The following SHISA9 variants were observed in gnomAD, a reference collection of about 807,000 sequenced individuals.
SHISA9 encodes protein shisa-9.
Under a neutral mutation model 38.0 loss-of-function variants are expected in SHISA9, and 13 were observed. The observed-to-expected ratio is 0.34, with a 90% CI of 0.22 to 0.54. SHISA9 has a LOEUF of 0.54. Ranked by LOEUF, SHISA9 falls within the 20% of genes least tolerant of loss-of-function variation. SHISA9 has a pLI of 0.91. For synonymous variants in SHISA9, 275 were observed against 242.0 expected, an observed-to-expected ratio of 1.14 and a Z score of -1.27; for missense variants, 538 against 575.8, an observed-to-expected ratio of 0.93 and a Z score of 0.67.
chr16:13,352,240 G>T, the SHISA9 span, among the ~76,000 whole-genome samples: 1 of 152,344 alleles, frequency 6.6e-6, no homozygotes, highest in East Asian at 1.9e-4. Context: ...TGCATGGTCT[G>T]ATTTCTTTGA....
the SHISA9 span, among the ~76,000 whole-genome samples, chr16:13,310,238 C>T: frequency 6.6e-6 from 1 of 152,146 alleles, no homozygotes; most frequent in African/African-American, 2.4e-5. Flanking sequence ...TTAAGCTTTT[C>T]CATTCAACTC....
intron 2 of SHISA9, among the ~76,000 whole-genome samples, chr16:13,180,440 G>A (rs1031887866): frequency 2.6e-5 from 4 of 152,268 alleles, no homozygotes; most frequent in African/African-American, 4.8e-5. Flanking sequence ...GGCTCACACC[G>A]CAATCCCAGC....
At chr16:13,168,794 C>A (rs743657) in intron 2 of SHISA9, among the ~76,000 whole-genome samples, 1 of 152,076 alleles carries the variant, frequency 6.6e-6, no homozygotes, top group Non-Finnish European at 1.5e-5. Context: ...CTTGCACCAT[C>A]TGCCAACTGT....
At chr16:13,078,025 A>G (rs1324687930) in intron 2 of SHISA9, among the ~76,000 whole-genome samples, 2 of 152,242 alleles carry the variant, frequency 1.3e-5, no homozygotes, top group African/African-American at 4.8e-5. Flanking sequence ...GGCTTTATTG[A>G]CTAAAACCAC....
chr16:13,433,309 T>A, the SHISA9 span, among the ~76,000 whole-genome samples: 20 of 152,228 alleles, frequency 1.3e-4, no homozygotes, highest in African/African-American at 4.8e-4. Context: ...TCTGTCTGCA[T>A]CTCAGTTGCT....
In SHISA9 at chr16:13,235,630, C is replaced by A. The variant is rs1476048429; in HGVS notation, c.*221C>A. 5.4e-6 allele frequency: 3 copies of A among 558,504 alleles called. No individual in the cohort carries two copies. The African/African-American group carries it at 5.7e-5, about 11-fold the overall frequency. The allele number at this position is 558,504 out of a possible 1,614,324, so 34.6% of individuals were successfully genotyped here. ...TGAGAAAGACCGAAGCGTGGACATTCAGCAATACAGCAAAGGGGAAAATGA... is the reference window on the plus strand; with the variant it reads ...TGAGAAAGACCGAAGCGTGGACATTAAGCAATACAGCAAAGGGGAAAATGA... On this transcript the variant is annotated 3_prime_UTR_variant, in exon 5 of 5. Coordinates refer to ENST00000558583, the MANE Select transcript of SHISA9 (RefSeq NM_001145204.3).
chr16:13,278,224 A>C, the SHISA9 span, among the ~76,000 whole-genome samples: 2 of 152,128 alleles, frequency 1.3e-5, no homozygotes, highest in Admixed American at 6.5e-5. Context: ...ACATTTATTG[A>C]CTTGCGTATG....
intron 2 of SHISA9, among the ~76,000 whole-genome samples, chr16:13,087,164 T>G (rs1475463503): frequency 1.3e-5 from 2 of 148,468 alleles, no homozygotes; most frequent in Non-Finnish European, 3.0e-5. Flanking sequence ...TTTTTTTTTT[T>G]TTTTTTGGCT....
the SHISA9 span, among the ~76,000 whole-genome samples, chr16:13,376,798 C>A: frequency 6.6e-6 from 1 of 152,050 alleles, no homozygotes; most frequent in Non-Finnish European, 1.5e-5. Flanking sequence ...GGCGATCCTC[C>A]CACCTCAGCC....
chr16:13,114,678 A>C (rs1423289371), intron 2 of SHISA9, among the ~76,000 whole-genome samples: 3 of 151,736 alleles, frequency 2.0e-5, no homozygotes, highest in Non-Finnish European at 4.4e-5. Context: ...CCCTCTCCCG[A>C]CCAGGCAATT....
intron 4 of SHISA9, among the ~76,000 whole-genome samples, chr16:13,218,805 A>T (rs557717270): frequency 2.5e-4 from 38 of 152,336 alleles, no homozygotes; most frequent in African/African-American, 9.1e-4. Flanking sequence ...TGCAGGAGGC[A>T]CAAGACAATA....
chr16:13,287,651 T>C, the SHISA9 span, among the ~76,000 whole-genome samples: 1 of 152,254 alleles, frequency 6.6e-6, no homozygotes, highest in African/African-American at 2.4e-5. Context: ...GCAGGGTCTT[T>C]TATTTGTGCT....
At chr16:13,070,156 A>ATGTGTG (rs761815708) in intron 2 of SHISA9, among the ~76,000 whole-genome samples, 6,270 of 148,026 alleles carry the variant, frequency 0.042, 239 homozygotes, top group Admixed American at 0.12. Flanking sequence ...GTGTGTGTGC[A>ATGTGTG]CGCATGTGTC....
At chr16:13,258,599 A>C in the SHISA9 span, among the ~76,000 whole-genome samples, 1 of 152,234 alleles carries the variant, frequency 6.6e-6, no homozygotes, top group Non-Finnish European at 1.5e-5. Context: ...GAAACTGGGA[A>C]CAAAAAGAGG....
the SHISA9 span, among the ~76,000 whole-genome samples, chr16:13,482,986 T>C: frequency 1.3e-5 from 2 of 152,066 alleles, no homozygotes; most frequent in African/African-American, 2.4e-5. Flanking sequence ...TGGAGCAATG[T>C]TTACTGGGAG....
chr16:13,174,627 G>A (rs2050716043), intron 2 of SHISA9, among the ~76,000 whole-genome samples: 1 of 152,228 alleles, frequency 6.6e-6, no homozygotes. Flanking sequence ...AGGTGATGGA[G>A]AAGCCCAGGA....
At chr16:13,015,886 CTTTCTT>C (rs1567182379) in intron 2 of SHISA9, among the ~76,000 whole-genome samples, 1 of 113,338 alleles carries the variant, frequency 8.8e-6, no homozygotes, top group African/African-American at 3.0e-5. Context: ...TTCTTTCTTT[CTTTCTT>C]TCTTTCTTTC....
intron 2 of SHISA9, among the ~76,000 whole-genome samples, chr16:13,089,829 C>G (rs918477255): frequency 6.6e-6 from 1 of 152,024 alleles, no homozygotes. Context: ...TTAATTATTT[C>G]TTGCCTTCTG....
the SHISA9 span, among the ~76,000 whole-genome samples, chr16:13,370,950 T>C: frequency 6.6e-6 from 1 of 152,182 alleles, no homozygotes; most frequent in Non-Finnish European, 1.5e-5. Flanking sequence ...CCAGATTTAG[T>C]AAATAAAAAT....
Sources: gnomAD v4.1 joint callset for allele counts (sites outside exome capture counted in the v4.1 genomes callset) on GRCh38, gnomAD v4.1.1 for gene constraint, MANE v1.5 for transcripts, NCBI Gene and HGNC (gene_info 2026-07-23, HGNC 2026-07-21) for gene names.